CAGE1: variants seen among roughly 807,000 people sequenced by gnomAD.
CAGE1 encodes cancer antigen 1, also known as cancer-associated gene 1 protein.
Under a neutral mutation model 94.9 loss-of-function variants are expected in CAGE1, and 66 were observed. The observed-to-expected ratio is 0.70, with a 90% confidence interval of 0.57 to 0.85. CAGE1 has a LOEUF of 0.85. CAGE1 is among the 40% of genes least tolerant of loss of function. The probability of loss-of-function intolerance (pLI) is 0.00; values close to 1 mark genes in which losing one functional copy is unlikely to be tolerated. For synonymous variants in CAGE1, 319 were observed against 321.0 expected (o/e 0.99, Z 0.07); for missense variants, 865 against 950.4 (o/e 0.91, Z 1.18).
chr6:7,341,277 GT>G, intron 11 of CAGE1: 1 of 664,688 alleles, frequency 1.5e-6, no homozygotes, highest in Non-Finnish European at 2.8e-6. Context: ...TCTCCTTGTG[GT>G]GGGTGTAAAC....
intron 11 of CAGE1, among the ~76,000 whole-genome samples, chr6:7,336,288 G>A (rs192348709): frequency 1.1e-3 from 173 of 152,300 alleles, no homozygotes; most frequent in Non-Finnish European, 2.1e-3. Context: ...GTGCAACATA[G>A]CAGCAGTGGA....
chr6:7,332,848 G>A (rs1005415863), intron 12 of CAGE1, among the ~76,000 whole-genome samples: 4 of 152,116 alleles, frequency 2.6e-5, no homozygotes, highest in African/African-American at 9.7e-5. Context: ...TCTGCACATG[G>A]GAAAAACTCA....
chr6:7,337,582 G>A (rs1175878623), intron 11 of CAGE1, among the ~76,000 whole-genome samples: 1 of 152,088 alleles, frequency 6.6e-6, no homozygotes, highest in Non-Finnish European at 1.5e-5. Context: ...TTTTGAAAAT[G>A]GGCAATGATT....
intron 9 of CAGE1, among the ~76,000 whole-genome samples, chr6:7,360,333 A>G (rs1015063853): frequency 2.0e-4 from 30 of 152,108 alleles, no homozygotes; most frequent in African/African-American, 6.8e-4. Context: ...GAGGCCCTCT[A>G]TGATTTGAGG....
At chr6:7,327,959 A>ATAAATAAATAAC (rs1357304190) in intron 13 of CAGE1, among the ~76,000 whole-genome samples, 3 of 150,594 alleles carry the variant, frequency 2.0e-5, no homozygotes, top group Non-Finnish European at 4.4e-5. Context: ...AAATAAATAA[A>ATAAATAAATAAC]TAACCATTGA....
chr6:7,381,639 A>G (rs1760937164), intron 3 of CAGE1, among the ~76,000 whole-genome samples: 1 of 140,822 alleles, frequency 7.1e-6, no homozygotes, highest in African/African-American at 2.7e-5. Flanking sequence ...AGCAATTCTC[A>G]TGCCTCAGCC....
chr6:7,333,531 T>TA (rs1378109338), intron 12 of CAGE1, among the ~76,000 whole-genome samples: 4 of 151,942 alleles, frequency 2.6e-5, no homozygotes. Flanking sequence ...GCAACTACTT[T>TA]ATGCTAGGCA....
At chr6:7,351,287 C>T (rs765489505) in intron 11 of CAGE1, among the ~76,000 whole-genome samples, 1 of 151,796 alleles carries the variant, frequency 6.6e-6, no homozygotes, top group Non-Finnish European at 1.5e-5. Context: ...TAACAAGTAG[C>T]GAGATTGAAA....
At chr6:7,328,018 A>C (rs1029638280) in intron 13 of CAGE1, among the ~76,000 whole-genome samples, 3 of 152,188 alleles carry the variant, frequency 2.0e-5, no homozygotes, top group African/African-American at 7.2e-5. Flanking sequence ...GCTGGGTCTC[A>C]ATGGCAGCAT....
intron 11 of CAGE1, among the ~76,000 whole-genome samples, chr6:7,345,386 C>T (rs986418195): frequency 6.6e-6 from 1 of 152,090 alleles, no homozygotes; most frequent in African/African-American, 2.4e-5. Context: ...GGAACAAACG[C>T]CAGATGTGCC....
chr6:7,380,357 T>C (rs921860847), intron 3 of CAGE1, among the ~76,000 whole-genome samples: 1 of 152,012 alleles, frequency 6.6e-6, no homozygotes, highest in Admixed American at 6.6e-5. Flanking sequence ...TATAAAAGTC[T>C]TGGACGCAGT....
intron 12 of CAGE1, among the ~76,000 whole-genome samples, chr6:7,333,421 G>A (rs1401594238): frequency 6.6e-6 from 1 of 152,014 alleles, no homozygotes; most frequent in Non-Finnish European, 1.5e-5. Context: ...AAAAATCTTA[G>A]CCCATAATCT....
At chr6:7,344,380 G>T (rs991476646) in intron 11 of CAGE1, among the ~76,000 whole-genome samples, 2 of 152,236 alleles carry the variant, frequency 1.3e-5, no homozygotes, top group African/African-American at 4.8e-5. Flanking sequence ...TGCAGAGGGT[G>T]TACTGGGTCC....
At chr6:7,326,993 GA>G in intron 13 of CAGE1, 94 bp from the exon 14 acceptor site, 1 of 833,732 alleles carries the variant, frequency 1.2e-6, no homozygotes, top group South Asian at 1.4e-5. Flanking sequence ...ATTACATATG[GA>G]AAAGGGGTGC....
chr6:7,347,515 T>TGGGGGGG (rs1561853738), intron 11 of CAGE1: 3 of 15,348 alleles, frequency 2.0e-4, no homozygotes, highest in Non-Finnish European at 2.4e-4. Flanking sequence ...GGGGGGGGGG[T>TGGGGGGG]TGGGGGGGGC....
rs962986823 is a variant in CAGE1, at chr6:7,339,271, C to T, written c.2370-5181G>A. On this transcript the variant is annotated intron_variant, in intron 11 of 13. Coordinates refer to ENST00000502583, the MANE Select transcript of CAGE1 (RefSeq NM_001170692.2). The surrounding 1 kb of genome is among the most constrained non-coding windows in gnomAD (Gnocchi z 4.7). ...TTGTAAGGCAGAGACTCTGCCTGGG[C>T]AATGGCACACAGACCCCTAGTGGCC... 13 of 1,586,336 alleles carry T rather than the reference C, an allele frequency of 8.2e-6. No homozygotes were observed. Among genetic ancestry groups the T allele is most frequent in the Middle Eastern group, 2.0e-4 (1 of 5,018 alleles).
At chr6:7,372,998 C>T (rs1371982474) in intron 5 of CAGE1, 75 bp downstream of exon 5, 3 of 1,016,688 alleles carry the variant, frequency 3.0e-6, no homozygotes, top group Middle Eastern at 3.3e-4. Flanking sequence ...ATAAGTGCCA[C>T]GTCTAAATAC....
At chr6:7,341,402 G>T in intron 11 of CAGE1, 1 of 862,628 alleles carries the variant, frequency 1.2e-6, no homozygotes, top group Non-Finnish European at 1.9e-6. Context: ...GGAATGTGAT[G>T]GATTCATCAA....
intron 11 of CAGE1, among the ~76,000 whole-genome samples, chr6:7,352,360 G>GA (rs1317624874): frequency 2.0e-5 from 3 of 147,744 alleles, no homozygotes; most frequent in Admixed American, 6.7e-5. Flanking sequence ...CCTCTACAGG[G>GA]AAAACTACAA....
Sources: gnomAD v4.1 joint callset for allele counts (sites outside exome capture counted in the v4.1 genomes callset) on GRCh38, gnomAD v4.1.1 for gene constraint, Gnocchi (gnomAD v3.1) non-coding constraint, MANE v1.5 for transcripts, NCBI Gene and HGNC (gene_info 2026-07-23, HGNC 2026-07-21) for gene names.